The following EXOC4 variants were observed in gnomAD, a reference collection of about 807,000 sequenced individuals.
EXOC4 encodes the protein exocyst complex component 4, also known as SEC8-like 1.
EXOC4 carries 71 observed loss-of-function variants against 107.2 expected under a neutral mutation model. The observed-to-expected ratio is 0.66, with a 90% CI of 0.55 to 0.81. EXOC4 has a LOEUF of 0.81. Among genes scored for constraint, EXOC4 ranks in the 30% least tolerant of loss-of-function variants. The pLI, the probability that EXOC4 is intolerant of heterozygous loss-of-function variation, is 0.00. For missense variants in EXOC4, 1,108 were observed against 1,189.6 expected, an observed-to-expected ratio of 0.93 and a Z score of 1.01; for synonymous variants, 456 against 441.2, an observed-to-expected ratio of 1.03 and a Z score of -0.42.
At chr7:133,677,354 A>G (rs778112935) in intron 10 of EXOC4, among the ~76,000 whole-genome samples, 2 of 152,170 alleles carry the variant, frequency 1.3e-5, no homozygotes, top group South Asian at 2.1e-4. Context: ...GATTTGTTCC[A>G]TGATTTCATC....
rs540581642 is a variant in EXOC4, at chr7:133,887,150, C to T, written c.1735-8449C>T. Among the ~76,000 whole-genome samples, 7 of 152,286 alleles carry T rather than the reference C, an allele frequency of 4.6e-5. No homozygotes were observed. In the East Asian group the frequency reaches 1.2e-3, roughly 25 times the overall value. On this transcript the variant is annotated intron_variant, in intron 11 of 17. Transcript: ENST00000253861. The stretch of plus-strand genomic sequence containing the variant: ...CCTCCAGTGGGTATGCAGAGGTGTT[C>T]GCAGTCATCCCTTCCCCTCCAAATG...
chr7:133,768,941 A>C (rs1266890439), intron 10 of EXOC4, among the ~76,000 whole-genome samples: 1 of 152,000 alleles, frequency 6.6e-6, no homozygotes, highest in Admixed American at 6.6e-5. Context: ...ACTTAAACTG[A>C]GTCTTTCAGA....
chr7:134,058,979 C>G (rs1193914621), intron 17 of EXOC4, among the ~76,000 whole-genome samples: 1 of 152,118 alleles, frequency 6.6e-6, no homozygotes, highest in African/African-American at 2.4e-5. Flanking sequence ...ACAATCAAGA[C>G]AGATTTCAAA....
chr7:133,972,554 T>A (rs769814894), intron 14 of EXOC4, among the ~76,000 whole-genome samples: 1 of 152,220 alleles, frequency 6.6e-6, no homozygotes. Context: ...ACTTAAAATA[T>A]CAGAATTGCT....
chr7:133,454,424 G>A (rs1309124298), intron 7 of EXOC4, among the ~76,000 whole-genome samples: 1 of 152,168 alleles, frequency 6.6e-6, no homozygotes, highest in East Asian at 1.9e-4. Context: ...AGCCTCCCAA[G>A]TAGCTGGGAT....
chr7:133,621,068 T>A (rs1034694443), intron 9 of EXOC4, among the ~76,000 whole-genome samples: 9 of 152,198 alleles, frequency 5.9e-5, no homozygotes, highest in African/African-American at 2.2e-4. Flanking sequence ...ATAGAAACAT[T>A]GGGCACTGCT....
At chr7:133,656,771 T>G (rs1803309739) in intron 10 of EXOC4, among the ~76,000 whole-genome samples, 1 of 152,202 alleles carries the variant, frequency 6.6e-6, no homozygotes, top group Non-Finnish European at 1.5e-5. Context: ...TACACTAACA[T>G]AAATTTGAAT....
At position 133,594,493 on chromosome 7, in the gene EXOC4, C is replaced by CTTTTTTTTTTTTTTTTTTTTTTTTTTT. The variant is rs532692119; in HGVS notation, c.1418-35532_1418-35531insTTTTTTTTTTTTTTTTTTTTTTTTTTT. On this transcript the variant is annotated intron_variant, in intron 9 of 17. Transcript: ENST00000253861. ...AGACAAGAAATACATAAGCTTGAGT[C>CTTTTTTTTTTTTTTTTTTTTTTTTTTT]TTTTTTTTTTTTTTTTTTTTGAGAC... Among the ~76,000 whole-genome samples, 4 of 90,356 alleles carry CTTTTTTTTTTTTTTTTTTTTTTTTTTT rather than the reference C, an allele frequency of 4.4e-5. 1 individual carries two copies. Among genetic ancestry groups the CTTTTTTTTTTTTTTTTTTTTTTTTTTT allele is most frequent in the Admixed American group, 1.7e-4 (1 of 5,892 alleles). The allele number at this position is 90,356 out of a possible 152,430, so 59.3% of individuals were successfully genotyped here.
intron 17 of EXOC4, among the ~76,000 whole-genome samples, chr7:134,062,422 T>C (rs1176350393): frequency 6.6e-6 from 1 of 152,182 alleles, no homozygotes; most frequent in Non-Finnish European, 1.5e-5. Flanking sequence ...ACCACAAAGA[T>C]AGCTTCATTT....
the EXOC4 span, among the ~76,000 whole-genome samples, chr7:134,081,786 A>G: frequency 6.6e-6 from 1 of 152,162 alleles, no homozygotes; most frequent in Non-Finnish European, 1.5e-5. Context: ...GGGGAGAAGC[A>G]GGTTTGGAGG....
intron 17 of EXOC4, among the ~76,000 whole-genome samples, chr7:134,055,677 C>T (rs1187355535): frequency 1.3e-5 from 2 of 152,198 alleles, no homozygotes; most frequent in African/African-American, 4.8e-5. Context: ...TGTTTTTATC[C>T]CTTGTCCAGG....
intron 9 of EXOC4, among the ~76,000 whole-genome samples, chr7:133,481,475 C>G (rs1180519193): frequency 6.6e-6 from 1 of 152,162 alleles, no homozygotes; most frequent in African/African-American, 2.4e-5. Context: ...ACTCATAATT[C>G]TGTACCAAAA....
intron 9 of EXOC4, among the ~76,000 whole-genome samples, chr7:133,612,464 G>A (rs1054361709): frequency 2.6e-5 from 4 of 152,164 alleles, no homozygotes; most frequent in Non-Finnish European, 5.9e-5. Flanking sequence ...GCAGTTCTGG[G>A]GAAAGAGTGT....
At chr7:133,679,446 C>T (rs1483840897) in intron 10 of EXOC4, among the ~76,000 whole-genome samples, 1 of 152,112 alleles carries the variant, frequency 6.6e-6, no homozygotes, top group Non-Finnish European at 1.5e-5. Flanking sequence ...TGAGAGTTCT[C>T]CTCATGGTGG....
intron 14 of EXOC4, among the ~76,000 whole-genome samples, chr7:133,992,823 C>T (rs1379285796): frequency 1.3e-5 from 2 of 150,896 alleles, no homozygotes; most frequent in Admixed American, 6.6e-5. Context: ...GCATCCTTAT[C>T]TTATTCCAGA....
chr7:133,668,318 G>A (rs574700079), intron 10 of EXOC4, among the ~76,000 whole-genome samples: 23 of 152,264 alleles, frequency 1.5e-4, no homozygotes, highest in African/African-American at 4.8e-4. Context: ...TCTTTCGGTC[G>A]TGTTCACAGT....
At chr7:133,955,160 T>A (rs1323182745) in intron 14 of EXOC4, among the ~76,000 whole-genome samples, 1 of 152,228 alleles carries the variant, frequency 6.6e-6, no homozygotes, top group Non-Finnish European at 1.5e-5. Context: ...ATTCGGCAGG[T>A]CCTGATTTCT....
At chr7:133,686,019 A>C (rs1473295268) in intron 10 of EXOC4, among the ~76,000 whole-genome samples, 1 of 152,122 alleles carries the variant, frequency 6.6e-6, no homozygotes, top group Non-Finnish European at 1.5e-5. Context: ...AATTCTATCT[A>C]TGTTGCTGCA....
chr7:133,906,786 T>C (rs2113338), intron 12 of EXOC4, among the ~76,000 whole-genome samples: 94,522 of 152,050 alleles, frequency 0.62, 31,910 homozygotes, highest in African/African-American at 0.9. Flanking sequence ...CCAAGGGGCC[T>C]ATTGCCGCCC....
Sources: allele counts gnomAD v4.1 joint callset (sites outside exome capture counted in the v4.1 genomes callset), GRCh38; gene constraint gnomAD v4.1.1; transcripts MANE v1.5; gene names NCBI Gene and HGNC (gene_info 2026-07-23, HGNC 2026-07-21).